ERICH6: variants seen among roughly 807,000 people sequenced by gnomAD.
ERICH6 encodes glutamate-rich protein 6.
In ERICH6, 71 loss-of-function variants were observed where a neutral mutation model predicts 71.0. The observed-to-expected ratio is 1.00, with a 90% confidence interval of 0.83 to 1.22. ERICH6 has a LOEUF of 1.22. Ranked by LOEUF, ERICH6 falls within the 50% of genes most tolerant of loss-of-function variation. The pLI is 0.00. For missense variants in ERICH6, 808 were observed against 797.2 expected (o/e 1.01, Z -0.16); for synonymous variants, 262 against 278.4 (o/e 0.94, Z 0.59).
At chr3:150,666,741 T>C in intron 13 of ERICH6, 46 bp downstream of exon 13, 1 of 1,530,656 alleles carries the variant, frequency 6.5e-7, no homozygotes, top group Non-Finnish European at 9.0e-7. Context: ...AGTTTACTCT[T>C]ATTATTATTC....
At chr3:150,669,508 C>A in intron 11 of ERICH6, 57 bp from the exon 12 acceptor site, 1 of 1,568,316 alleles carries the variant, frequency 6.4e-7, no homozygotes, top group East Asian at 2.3e-5. Context: ...ATTCTGGGAA[C>A]AAATTCAATT....
intron 3 of ERICH6, among the ~76,000 whole-genome samples, chr3:150,695,182 G>A (rs770188947): frequency 6.6e-6 from 1 of 152,118 alleles, no homozygotes; most frequent in Non-Finnish European, 1.5e-5. Flanking sequence ...AAAAACAATA[G>A]AGAATAGATA....
chr3:150,667,076 A>T (rs1576547057), intron 12 of ERICH6, 61 bp from the exon 13 acceptor site: 4 of 1,483,672 alleles, frequency 2.7e-6, no homozygotes, highest in Non-Finnish European at 3.7e-6. Flanking sequence ...TACTGGAATT[A>T]TCCCTGTCAC....
At chr3:150,700,138 G>A (rs1315478445) in intron 2 of ERICH6, among the ~76,000 whole-genome samples, 6 of 151,646 alleles carry the variant, frequency 4.0e-5, no homozygotes, top group African/African-American at 1.5e-4. Context: ...GCAGTGGTGC[G>A]ATCTTGGCTC....
At chr3:150,698,682 A>G (rs1184782641) in intron 3 of ERICH6, 109 bp downstream of exon 3, 2 of 825,286 alleles carry the variant, frequency 2.4e-6, no homozygotes, top group South Asian at 1.7e-5. Context: ...CAAGGTTAGT[A>G]TGTGTTGGGG....
At chr3:150,695,435 AGG>A (rs985496239) in intron 3 of ERICH6, among the ~76,000 whole-genome samples, 2 of 151,982 alleles carry the variant, frequency 1.3e-5, no homozygotes, top group Non-Finnish European at 2.9e-5. Flanking sequence ...GCAGATCATG[AGG>A]TCAGGAAAGG....
intron 1 of ERICH6, 47 bp downstream of exon 1, chr3:150,703,449 C>T (rs899937893): frequency 3.3e-6 from 5 of 1,510,996 alleles, no homozygotes; most frequent in Non-Finnish European, 4.4e-6. Flanking sequence ...CCAGGTGCCC[C>T]CTGGAGACGA....
At chr3:150,700,572 T>TTTA (rs567152722) in intron 2 of ERICH6, among the ~76,000 whole-genome samples, 2 of 151,582 alleles carry the variant, frequency 1.3e-5, no homozygotes, top group Admixed American at 6.6e-5. Flanking sequence ...AAAAGTTTAT[T>TTTA]TTATTATTAT....
chr3:150,701,551 C>T (rs1436181565), intron 2 of ERICH6, among the ~76,000 whole-genome samples: 3 of 152,086 alleles, frequency 2.0e-5, no homozygotes, highest in Admixed American at 1.3e-4. Context: ...GAACAATTCT[C>T]CTTAGACTTA....
rs555942266 is a variant in ERICH6, at chr3:150,676,373, A to C, written c.1257+2036T>G. Among the ~76,000 whole-genome samples the C allele has an allele frequency of 1.4e-4, 21 of 151,856 alleles. No individual in the cohort carries two copies. In the South Asian group the frequency reaches 4.0e-3, roughly 29 times the overall value. ...GTTCCCTTCATATATCTTCAAGCTG[A>C]TCTTTTATTTTCATGATCACGGTTA... On this transcript the variant is annotated intron_variant, in intron 10 of 13. Transcript: ENST00000295910.
intron 11 of ERICH6, among the ~76,000 whole-genome samples, chr3:150,670,819 C>A (rs1711499238): frequency 6.6e-6 from 1 of 152,144 alleles, no homozygotes; most frequent in Non-Finnish European, 1.5e-5. Context: ...ACTCTTAATA[C>A]TCATTTCCAT....
At position 150,680,474 on chromosome 3, in the gene ERICH6, C is replaced by T. The variant is rs754077814; in HGVS notation, c.1105G>A (p.Glu369Lys). Residue 369 changes from glutamate (E) to lysine (K), a missense_variant, in exon 9 of 14, where the codon GAA becomes AAA. By Grantham distance (56) the Glu-to-Lys change is moderately conservative. This residue lies in a region of ERICH6 where 736 missense variants were observed against 712.2 expected (regional missense o/e 1.03). Coordinates refer to ENST00000295910, the MANE Select transcript of ERICH6 (RefSeq NM_152394.5). ...IISREQTHFS[E>K]DDSKRLKTIS... is the part of the protein sequence containing the mutation. ...TCAGCACTAATGAACTCACCATCTT[C>T]AGAGAAATGAGTCTGTTCCCTTGAT... 2 of 1,614,036 alleles carry T rather than the reference C, an allele frequency of 1.2e-6. No individual in the cohort carries two copies. The highest frequency in any genetic ancestry group is 1.7e-6 in the Non-Finnish European group (2 of 1,180,000).
chr3:150,697,093 T>C (rs1168334393), intron 3 of ERICH6, among the ~76,000 whole-genome samples: 4 of 152,162 alleles, frequency 2.6e-5, no homozygotes, highest in Non-Finnish European at 5.9e-5. Context: ...CTGTATTTAC[T>C]GGTAAAAATT....
intron 3 of ERICH6, among the ~76,000 whole-genome samples, chr3:150,696,027 T>G (rs1422130327): frequency 6.6e-6 from 1 of 151,942 alleles, no homozygotes; most frequent in African/African-American, 2.4e-5. Context: ...AGAAATTCAT[T>G]TATCATATAT....
chr3:150,666,749 T>C (rs1360523756), intron 13 of ERICH6, 38 bp downstream of exon 13: 3 of 1,561,980 alleles, frequency 1.9e-6, no homozygotes, highest in Non-Finnish European at 2.6e-6. Context: ...CTTATTATTA[T>C]TCTAAATGCT....
At chr3:150,660,479 G>A (rs1727178385) in intron 13 of ERICH6, among the ~76,000 whole-genome samples, 1 of 152,156 alleles carries the variant, frequency 6.6e-6, no homozygotes, top group African/African-American at 2.4e-5. Flanking sequence ...AGTGGGGGAG[G>A]TAGGGTGAGT....
intron 11 of ERICH6, among the ~76,000 whole-genome samples, chr3:150,672,260 TATAC>T (rs909326140): frequency 4.2e-5 from 6 of 143,008 alleles, no homozygotes; most frequent in African/African-American, 1.6e-4. Context: ...TCCATTTATA[TATAC>T]ATATATATAT....
chr3:150,691,335 A>G (rs1215655128), intron 3 of ERICH6, among the ~76,000 whole-genome samples: 1 of 152,214 alleles, frequency 6.6e-6, no homozygotes, highest in African/African-American at 2.4e-5. Context: ...AACATTCTTA[A>G]AAGAAAAGGG....
chr3:150,673,839 C>T, intron 11 of ERICH6, 117 bp downstream of exon 11: 1 of 897,874 alleles, frequency 1.1e-6, no homozygotes, highest in Non-Finnish European at 1.7e-6. Flanking sequence ...CCTCAGCCTC[C>T]CAAAGTGCTG....
Sources: allele counts gnomAD v4.1 joint callset (sites outside exome capture counted in the v4.1 genomes callset), GRCh38; gene constraint gnomAD v4.1.1; regional missense constraint gnomAD v4.1.1; transcripts MANE v1.5; gene names NCBI Gene and HGNC (gene_info 2026-07-23, HGNC 2026-07-21).